ELMO1: variants seen among roughly 807,000 people sequenced by gnomAD.
The protein encoded by ELMO1 is engulfment and cell motility 1, also known as engulfment and cell motility protein 1.
ELMO1 carries 26 observed loss-of-function variants against 98.9 expected under a neutral mutation model. That is an observed-to-expected ratio of 0.26 (90% CI 0.19 to 0.36). ELMO1 has a LOEUF of 0.36. Among genes scored for constraint, ELMO1 ranks in the 10% least tolerant of loss-of-function variants. ELMO1 has a pLI of 1.00. For synonymous variants in ELMO1, 346 were observed against 346.0 expected, an observed-to-expected ratio of 1.00 and a Z score of 0.00; for missense variants, 627 against 935.2, an observed-to-expected ratio of 0.67 and a Z score of 4.30.
intron 18 of ELMO1, among the ~76,000 whole-genome samples, chr7:36,880,617 T>C (rs1296247450): frequency 6.6e-6 from 1 of 152,154 alleles, no homozygotes; most frequent in African/African-American, 2.4e-5. Context: ...AAGGTAGACA[T>C]GAAAGACAAG....
intron 4 of ELMO1, among the ~76,000 whole-genome samples, chr7:37,288,782 A>G (rs1023636662): frequency 6.6e-6 from 1 of 152,254 alleles, no homozygotes; most frequent in Non-Finnish European, 1.5e-5. Flanking sequence ...TCTGGAAACC[A>G]TGTACACCCA....
chr7:36,859,968 T>C (rs1802489966), intron 21 of ELMO1, among the ~76,000 whole-genome samples: 1 of 152,212 alleles, frequency 6.6e-6, no homozygotes, highest in Non-Finnish European at 1.5e-5. Context: ...TTCTCCCTCA[T>C]CCTACTCAAT....
chr7:36,945,395 T>C (rs1255295490), intron 16 of ELMO1, among the ~76,000 whole-genome samples: 4 of 151,810 alleles, frequency 2.6e-5, no homozygotes, highest in Admixed American at 6.6e-5. Flanking sequence ...GAGCAGAAAA[T>C]AAACATTAGG....
intron 16 of ELMO1, among the ~76,000 whole-genome samples, chr7:36,928,238 T>C (rs1259319530): frequency 6.6e-6 from 1 of 152,222 alleles, no homozygotes; most frequent in African/African-American, 2.4e-5. Context: ...GGCTGTCTCC[T>C]GCCACCTGTA....
chr7:36,911,605 G>C (rs973175233), intron 16 of ELMO1, among the ~76,000 whole-genome samples: 1 of 152,166 alleles, frequency 6.6e-6, no homozygotes, highest in Non-Finnish European at 1.5e-5. Flanking sequence ...AAAGCACAGA[G>C]AAATGATGCT....
At chr7:37,307,415 G>C (rs1167417304) in intron 4 of ELMO1, among the ~76,000 whole-genome samples, 1 of 152,174 alleles carries the variant, frequency 6.6e-6, no homozygotes, top group African/African-American at 2.4e-5. Context: ...GGACATGTTT[G>C]CTTTCCCTTC....
chr7:37,237,753 A>C (rs1283052888), intron 7 of ELMO1, among the ~76,000 whole-genome samples: 1 of 152,226 alleles, frequency 6.6e-6, no homozygotes, highest in Non-Finnish European at 1.5e-5. Flanking sequence ...ATGTATATAC[A>C]TTGAAAGGTA....
intron 16 of ELMO1, among the ~76,000 whole-genome samples, chr7:36,977,554 C>T (rs1247319805): frequency 6.6e-6 from 1 of 152,236 alleles, no homozygotes; most frequent in African/African-American, 2.4e-5. Flanking sequence ...ACTTTAGTTG[C>T]AAATTCTTTC....
At chr7:37,248,839 G>A (rs1381590161) in intron 6 of ELMO1, among the ~76,000 whole-genome samples, 1 of 152,246 alleles carries the variant, frequency 6.6e-6, no homozygotes, top group Non-Finnish European at 1.5e-5. Flanking sequence ...AGTTCTCAGA[G>A]GCAATAGCAT....
At chr7:37,199,270 T>TCATA (rs1369430213) in intron 13 of ELMO1, among the ~76,000 whole-genome samples, 21 of 152,312 alleles carry the variant, frequency 1.4e-4, no homozygotes, top group African/African-American at 4.3e-4. Context: ...TGGTAATGAA[T>TCATA]CATAGGTCAT....
chr7:37,251,759 G>C (rs545677498), intron 6 of ELMO1, among the ~76,000 whole-genome samples: 9 of 152,046 alleles, frequency 5.9e-5, no homozygotes, highest in South Asian at 4.2e-4. Flanking sequence ...AGAAATAAAG[G>C]GTATTCAAAT....
chr7:36,942,180 G>A (rs1253011297), intron 16 of ELMO1, among the ~76,000 whole-genome samples: 1 of 152,166 alleles, frequency 6.6e-6, no homozygotes, highest in East Asian at 1.9e-4. Flanking sequence ...TGTCAGTCCA[G>A]ACCTCCAGGT....
At chr7:37,097,045 C>T (rs920713797) in intron 14 of ELMO1, among the ~76,000 whole-genome samples, 1 of 152,214 alleles carries the variant, frequency 6.6e-6, no homozygotes, top group African/African-American at 2.4e-5. Flanking sequence ...AAACAACTCT[C>T]TTGTCCTCCC....
chr7:36,999,113 T>C (rs1311754540), intron 16 of ELMO1, among the ~76,000 whole-genome samples: 1 of 152,020 alleles, frequency 6.6e-6, no homozygotes, highest in Admixed American at 6.6e-5. Context: ...CACAGCATTG[T>C]CTAGGAGGGA....
At chr7:37,109,026 T>C (rs1295054670) in intron 14 of ELMO1, among the ~76,000 whole-genome samples, 1 of 152,238 alleles carries the variant, frequency 6.6e-6, no homozygotes, top group Non-Finnish European at 1.5e-5. Flanking sequence ...TGTGATGCAC[T>C]GAGAACCTCT....
intron 10 of ELMO1, chr7:37,217,589 G>A (rs1793359163): frequency 2.5e-6 from 1 of 400,078 alleles, no homozygotes; most frequent in African/African-American, 2.1e-5. Context: ...AGAAAGCAAA[G>A]AAAACCAAGA....
chr7:37,329,338 T>C lies in ELMO1; in HGVS notation c.78+13275A>G, dbSNP rs147617773. Among the ~76,000 whole-genome samples, 521 of 152,300 alleles carry C rather than the reference T, an allele frequency of 3.4e-3. 7 individuals are homozygous for C. Among genetic ancestry groups the C allele is most frequent in the Non-Finnish European group, 2.5e-3 (168 of 68,022 alleles). ...AGTGATATTTTGATACATGTGTACA[T>C]TGTGGAATGATCAAATCAGAGTAAT... On this transcript the variant is annotated intron_variant, in intron 2 of 21. Coordinates refer to ENST00000310758, the MANE Select transcript of ELMO1 (RefSeq NM_014800.11).
At chr7:36,884,685 C>T (rs1041782806) in intron 18 of ELMO1, among the ~76,000 whole-genome samples, 3 of 152,260 alleles carry the variant, frequency 2.0e-5, no homozygotes, top group Non-Finnish European at 4.4e-5. Context: ...GCACATGAGA[C>T]AGGCAGAAGG....
chr7:37,140,271 A>G (rs1006728770), intron 13 of ELMO1, among the ~76,000 whole-genome samples: 3 of 151,950 alleles, frequency 2.0e-5, no homozygotes, highest in Non-Finnish European at 2.9e-5. Flanking sequence ...CTATAGTCCC[A>G]ACTACTCCGG....
Sources: allele counts gnomAD v4.1 joint callset (sites outside exome capture counted in the v4.1 genomes callset), GRCh38; gene constraint gnomAD v4.1.1; transcripts MANE v1.5; gene names NCBI Gene and HGNC (gene_info 2026-07-23, HGNC 2026-07-21).